The following SYNPR variants were observed in gnomAD, a reference collection of about 807,000 sequenced individuals.
The protein encoded by SYNPR is synaptoporin.
In SYNPR, 23 loss-of-function variants were observed where a neutral mutation model predicts 32.9. The ratio of observed to expected loss-of-function variants is 0.70; its 90% CI spans 0.50 to 0.99. SYNPR has a LOEUF of 0.99. Ranked by LOEUF, SYNPR falls within the 50% of genes least tolerant of loss-of-function variation. The pLI is 0.00. For missense variants in SYNPR, 318 were observed against 349.3 expected, an observed-to-expected ratio of 0.91 and a Z score of 0.71; for synonymous variants, 146 against 135.9, an observed-to-expected ratio of 1.07 and a Z score of -0.52.
At chr3:63,513,595 A>T (rs1701737565) in intron 3 of SYNPR, among the ~76,000 whole-genome samples, 2 of 152,216 alleles carry the variant, frequency 1.3e-5, no homozygotes, top group South Asian at 4.2e-4. Flanking sequence ...ATCACTTCAC[A>T]TGCTGTAACC....
At chr3:63,471,029 A>C (rs898778205) in intron 2 of SYNPR, among the ~76,000 whole-genome samples, 10 of 152,350 alleles carry the variant, frequency 6.6e-5, no homozygotes, top group African/African-American at 1.9e-4. Flanking sequence ...TTGCCATGTA[A>C]GTAACTTGGA....
chr3:63,255,722 T>C (rs2086376324), intron 2 of SYNPR, among the ~76,000 whole-genome samples: 1 of 152,130 alleles, frequency 6.6e-6, no homozygotes, highest in African/African-American at 2.4e-5. Flanking sequence ...ACCAGGTTCA[T>C]CTCAATGGGA....
At chr3:63,316,903 T>G (rs187428255) in intron 2 of SYNPR, among the ~76,000 whole-genome samples, 47 of 152,112 alleles carry the variant, frequency 3.1e-4, no homozygotes, top group Non-Finnish European at 6.3e-4. Flanking sequence ...CTACCTTTGC[T>G]GTATCTCAGA....
At chr3:63,575,057 C>A (rs1702953458) in intron 4 of SYNPR, among the ~76,000 whole-genome samples, 4 of 151,930 alleles carry the variant, frequency 2.6e-5, no homozygotes, top group Admixed American at 2.6e-4. Context: ...CACAGTCAAA[C>A]CTACCTATAT....
intron 2 of SYNPR, among the ~76,000 whole-genome samples, chr3:63,280,241 A>T (rs769585855): frequency 1.3e-5 from 2 of 152,154 alleles, no homozygotes; most frequent in Non-Finnish European, 2.9e-5. Context: ...ATTGTTCCTC[A>T]CACAGCCTCT....
chr3:63,468,875 G>A (rs1276582022), intron 2 of SYNPR, among the ~76,000 whole-genome samples: 1 of 151,930 alleles, frequency 6.6e-6, no homozygotes, highest in African/African-American at 2.4e-5. Context: ...CTTTCACTAA[G>A]GTAAAGCTGA....
At chr3:63,615,099 T>G (rs1199017621) in intron 5 of SYNPR, 125 bp from the exon 6 acceptor site, 1 of 1,202,602 alleles carries the variant, frequency 8.3e-7, no homozygotes, top group African/African-American at 1.5e-5. Flanking sequence ...AATGGAAAAC[T>G]TGGAAGCGGA....
rs1359158841 is a variant in SYNPR at position 63,408,315 on chromosome 3, GGAAGGAAAGAAA to G, written c.85-72513_85-72502del. ...AGGAAGGAAGGAAGGAAGGAAGGAA[GGAAGGAAAGAAA>G]GAAAGAAAGAAAGAAAGAAAGAAAG... On this transcript the variant is annotated intron_variant, in intron 2 of 5. Coordinates refer to ENST00000478300, the MANE Select transcript of SYNPR (RefSeq NM_001130003.2). Among the ~76,000 whole-genome samples the G allele has an allele frequency of 3.6e-3, 151 of 41,966 alleles. 1 individual carries two copies. The highest frequency in any genetic ancestry group is 4.8e-3 in the Non-Finnish European group (115 of 23,812). The allele number at this position is 41,966 out of a possible 152,430, so 27.5% of individuals were successfully genotyped here. A position where few individuals can be genotyped will look rare whatever the true frequency, so the allele number is the denominator to read the frequency against.
chr3:63,336,221 T>G (rs970952424), intron 2 of SYNPR, among the ~76,000 whole-genome samples: 1 of 152,034 alleles, frequency 6.6e-6, no homozygotes, highest in African/African-American at 2.4e-5. Context: ...GTATAATATT[T>G]TCTAGAGGAT....
chr3:63,464,554 T>G (rs1371907903), intron 2 of SYNPR, among the ~76,000 whole-genome samples: 11 of 152,160 alleles, frequency 7.2e-5, no homozygotes, highest in Admixed American at 7.2e-4. Flanking sequence ...TTTCCCTTTT[T>G]TCCAACTCAG....
rs764554225 is a variant in SYNPR, at chr3:63,556,572, C to G, written c.239C>G (p.Thr80Ser). The G allele has an allele frequency of 6.2e-7, 1 of 1,613,442 alleles. No individual in the cohort carries two copies. The highest frequency in any genetic ancestry group is 8.5e-7 in the Non-Finnish European group (1 of 1,179,668). Residue 80 changes from threonine to serine, a missense_variant, in exon 4 of 6, where the codon ACC becomes AGC. By Grantham distance (58) the Thr-to-Ser change is moderately conservative (BLOSUM62 1). Coordinates refer to ENST00000478300, the MANE Select transcript of SYNPR (RefSeq NM_001130003.2). The part of the protein sequence containing the change: ...RLHQVTFEVP[T>S]CEGKERQKLA... The stretch of plus-strand genomic sequence containing the variant: ...CACCAGGTGACGTTTGAGGTGCCCA[C>G]CTGCGAGGGAAAGGAACGGCAGAAG...
chr3:63,242,486 C>T (rs1327989155), intron 1 of SYNPR, among the ~76,000 whole-genome samples: 1 of 152,062 alleles, frequency 6.6e-6, no homozygotes, highest in African/African-American at 2.4e-5. Flanking sequence ...GAAATGTGAA[C>T]CCATCACTAT....
At chr3:63,248,516 G>C (rs2086307754) in intron 1 of SYNPR, among the ~76,000 whole-genome samples, 1 of 152,094 alleles carries the variant, frequency 6.6e-6, no homozygotes. Context: ...GAAAGAGTGA[G>C]AAATCAGATA....
chr3:63,292,541 A>G (rs996514260), intron 2 of SYNPR, among the ~76,000 whole-genome samples: 3 of 152,200 alleles, frequency 2.0e-5, no homozygotes, highest in Admixed American at 2.0e-4. Flanking sequence ...GTGACCTTGG[A>G]CACATTACTT....
Position 63,541,292 on chromosome 3 carries a change from A to C in SYNPR, c.210-15251A>C, listed in dbSNP as rs537971897. 2.0e-5 allele frequency among the ~76,000 whole-genome samples: 3 copies of C among 152,010 alleles called. No individual in the cohort carries two copies. The South Asian group carries it at 6.2e-4, about 32-fold the overall frequency. The stretch of plus-strand genomic sequence containing the variant: ...ATAAACAAGAGACACATCTTACCTC[A>C]AATTTCTCAGAAGACATTCCTCTAA... On this transcript the variant is annotated intron_variant, in intron 3 of 5. Coordinates refer to ENST00000478300, the MANE Select transcript of SYNPR (RefSeq NM_001130003.2).
chr3:63,384,620 T>C (rs547128946), intron 2 of SYNPR, among the ~76,000 whole-genome samples: 1 of 152,316 alleles, frequency 6.6e-6, no homozygotes, highest in South Asian at 2.1e-4. Flanking sequence ...AGACCATTCA[T>C]TGAAATGATA....
intron 3 of SYNPR, among the ~76,000 whole-genome samples, chr3:63,541,726 C>T (rs1038043180): frequency 6.6e-6 from 1 of 152,066 alleles, no homozygotes; most frequent in African/African-American, 2.4e-5. Flanking sequence ...ATAGGCTGCC[C>T]ACATGTGAAA....
chr3:63,324,871 G>T (rs1294294017), intron 2 of SYNPR, among the ~76,000 whole-genome samples: 1 of 151,982 alleles, frequency 6.6e-6, no homozygotes, highest in African/African-American at 2.4e-5. Flanking sequence ...TGTTCTACAC[G>T]GACCTCAGGA....
chr3:63,257,404 G>A (rs1252347734), intron 2 of SYNPR, among the ~76,000 whole-genome samples: 2 of 152,098 alleles, frequency 1.3e-5, no homozygotes, highest in Non-Finnish European at 2.9e-5. Flanking sequence ...CGAAAGAGGA[G>A]GCCAATATTC....
Sources: gnomAD v4.1 joint callset for allele counts (sites outside exome capture counted in the v4.1 genomes callset) on GRCh38, gnomAD v4.1.1 for gene constraint, MANE v1.5 for transcripts, NCBI Gene and HGNC (gene_info 2026-07-23, HGNC 2026-07-21) for gene names.